ANGPTL6: variants seen among roughly 807,000 people sequenced by gnomAD.
The protein encoded by ANGPTL6 is angiopoietin like 6.
ANGPTL6 carries 45 observed loss-of-function variants against 47.4 expected under a neutral mutation model. That is an observed-to-expected ratio of 0.95 (90% confidence interval 0.75 to 1.22). The LOEUF is 1.22. Among genes scored for constraint, ANGPTL6 ranks in the 50% most tolerant of loss-of-function variants. ANGPTL6 has a pLI of 0.00. For synonymous variants in ANGPTL6, 290 were observed against 295.9 expected (o/e 0.98, Z 0.20); for missense variants, 698 against 669.4 (o/e 1.04, Z -0.47).
upstream of ANGPTL6, among the ~76,000 whole-genome samples, chr19:10,105,771 G>GAGGCCTGAGGCC (rs936168944): frequency 6.6e-6 from 1 of 152,192 alleles, no homozygotes; most frequent in African/African-American, 2.4e-5. Flanking sequence ...GAAGAAGCCA[G>GAGGCCTGAGGCC]AGGCCTGAGG....
intron 2 of ANGPTL6, 59 bp from the exon 3 acceptor site, chr19:10,094,997 T>C: frequency 6.8e-7 from 1 of 1,462,438 alleles, no homozygotes; most frequent in Non-Finnish European, 9.1e-7. Context: ...GGAGGCCTGG[T>C]CTCAGGGGCA....
At chr19:10,093,164 A>C (rs1338058759) in intron 5 of ANGPTL6, 185 bp downstream of exon 5, 3 of 779,532 alleles carry the variant, frequency 3.8e-6, no homozygotes, top group African/African-American at 3.5e-5. Context: ...CAGAGAAGGA[A>C]TCTGGACTCC....
chr19:10,096,292 C>T lies in ANGPTL6; in HGVS notation c.272G>A (p.Gly91Asp). The change falls in exon 2 of 6, where the codon GGC becomes GAC. Residue 91 changes from glycine (G) to aspartate (D), a missense_variant. Transcript: ENST00000253109. ...CTCCTTGCGCAGCGCGCGCACCTCGCCGGCCACGGCGCCGTCGGCCGCCGC... is the reference window on the plus strand; with the variant it reads ...CTCCTTGCGCAGCGCGCGCACCTCGTCGGCCACGGCGCCGTCGGCCGCCGC... Reference protein sequence around the residue: ...RLAAADGAVAGEVRALRKESR... With the variant: ...RLAAADGAVADEVRALRKESR... 2 of 1,225,378 alleles carry T rather than the reference C, an allele frequency of 1.6e-6. No homozygotes were observed. The highest frequency in any genetic ancestry group is 1.0e-6 in the Non-Finnish European group (1 of 985,412). The allele number at this position is 1,225,378 out of a possible 1,614,324, so 75.9% of individuals were successfully genotyped here. A position where few individuals can be genotyped will look rare whatever the true frequency, so the allele number is the denominator to read the frequency against.
chr19:10,099,080 A>G, intron 1 of ANGPTL6, among the ~76,000 whole-genome samples: 1 of 152,018 alleles, frequency 6.6e-6, no homozygotes, highest in Admixed American at 6.6e-5. Context: ...CTGAATTCCC[A>G]GCTCAAGACA....
chr19:10,092,662 T>G lies in ANGPTL6; in HGVS notation c.1340A>C (p.Tyr447Ser). The G allele has an allele frequency of 6.2e-7, 1 of 1,613,968 alleles. No homozygotes were observed. The highest frequency in any genetic ancestry group is 8.5e-7 in the Non-Finnish European group (1 of 1,179,902). ...HYRSRYQDGV[Y>S]WAEFRGGAYS... ...TGCCCCACCACGAAACTCAGCCCAG[T>G]AGACACCATCCTGGTAGCGGCTTCG... Residue 447 changes from tyrosine to serine, a missense_variant, in exon 6 of 6, where the codon TAC (tyrosine) becomes TCC (serine). Tyr to Ser is a moderately radical substitution (Grantham distance 144). Coordinates refer to ENST00000253109, the MANE Select transcript of ANGPTL6 (RefSeq NM_031917.3).
At chr19:10,097,932 G>A (rs372938930) in intron 1 of ANGPTL6, among the ~76,000 whole-genome samples, 1 of 151,494 alleles carries the variant, frequency 6.6e-6, no homozygotes, top group Non-Finnish European at 1.5e-5. Context: ...GTGTTAAGGC[G>A]GGAAGACTGC....
At position 10,093,663 on chromosome 19, in the gene ANGPTL6, C is replaced by T. The variant is rs181341264; in HGVS notation, c.951+30G>A. 5,399 of 1,613,442 alleles carry T rather than the reference C, an allele frequency of 3.3e-3. 20 individuals are homozygous for T. Among genetic ancestry groups the T allele is most frequent in the Non-Finnish European group, 3.1e-3 (3,636 of 1,179,410 alleles). ...CAGGAAGCCAGAACAGGCTCCCTCC[C>T]CTTCCCTGCCTCTGCCCACCTGTGC... On this transcript the variant is annotated intron_variant, in intron 4 of 5. Transcript: ENST00000253109.
intron 1 of ANGPTL6, among the ~76,000 whole-genome samples, chr19:10,100,051 G>A (rs376688296): frequency 6.6e-6 from 1 of 150,566 alleles, no homozygotes; most frequent in African/African-American, 2.4e-5. Flanking sequence ...GTAGAGACAG[G>A]GTGCCTGATC....
At chr19:10,099,699 C>T (rs768588679) in intron 1 of ANGPTL6, among the ~76,000 whole-genome samples, 12 of 151,764 alleles carry the variant, frequency 7.9e-5, no homozygotes, top group Non-Finnish European at 1.6e-4. Context: ...GCTGTTTTTG[C>T]AGCCTGGAAC....
chr19:10,096,261 G>C lies in ANGPTL6; in HGVS notation c.303C>G (p.Arg101=), dbSNP rs2088531912. 7.6e-6 allele frequency: 9 copies of C among 1,189,688 alleles called. No individual in the cohort carries two copies. Among genetic ancestry groups the C allele is most frequent in the African/African-American group, 1.6e-5 (1 of 62,254 alleles). The allele number at this position is 1,189,688 out of a possible 1,614,324, so 73.7% of individuals were successfully genotyped here. A position where few individuals can be genotyped will look rare whatever the true frequency, so the allele number is the denominator to read the frequency against. The part of the protein sequence containing the change: ...GEVRALRKES[R]GLSARLGQLR... The stretch of plus-strand genomic sequence containing the variant: ...ACTGGCCCAGGCGCGCGCTCAGGCC[G>C]CGGCTCTCCTTGCGCAGCGCGCGCA... The change falls in exon 2 of 6, where the codon CGC becomes CGG. Residue 101 remains arginine, a synonymous_variant. Coordinates refer to ENST00000253109, the MANE Select transcript of ANGPTL6 (RefSeq NM_031917.3).
Position 10,093,670 on chromosome 19 carries a change from TGCCTCTGCCC to T in ANGPTL6, c.951+13_951+22del, listed in dbSNP as rs778892842. On this transcript the variant is annotated intron_variant, in intron 4 of 5. Coordinates refer to ENST00000253109, the MANE Select transcript of ANGPTL6 (RefSeq NM_031917.3). ...CCAGAACAGGCTCCCTCCCCTTCCC[TGCCTCTGCCC>T]ACCTGTGCCCACCTTATAGTGCTGC... The T allele has an allele frequency of 2.5e-6, 4 of 1,613,562 alleles. No homozygotes were observed. The highest frequency in any genetic ancestry group is 3.3e-5 in the Admixed American group (2 of 60,018).
In ANGPTL6 at chr19:10,092,786, GGA is replaced by G. The variant is rs759925335; in HGVS notation, c.1223-9_1223-8del. On this transcript the variant is annotated splice_polypyrimidine_tract_variant and splice_region_variant and intron_variant, in intron 5 of 5. Coordinates refer to ENST00000253109, the MANE Select transcript of ANGPTL6 (RefSeq NM_031917.3). The stretch of plus-strand genomic sequence containing the variant: ...TGGTACAGGGCACAGTTACCTGAGG[GGA>G]GAGAGAGAGTCCATGTCCTCTCACC... 24 of 1,587,276 alleles carry G rather than the reference GGA, an allele frequency of 1.5e-5. No homozygotes were observed. Among genetic ancestry groups the G allele is most frequent in the South Asian group, 6.7e-5 (6 of 89,238 alleles).
intron 1 of ANGPTL6, among the ~76,000 whole-genome samples, chr19:10,098,728 G>A (rs1490879339): frequency 6.6e-6 from 1 of 151,882 alleles, no homozygotes; most frequent in Admixed American, 6.6e-5. Context: ...GGAGGCTGAG[G>A]CAGGAGAATC....
chr19:10,098,338 C>G (rs1251244706), intron 1 of ANGPTL6, among the ~76,000 whole-genome samples: 2 of 150,596 alleles, frequency 1.3e-5, no homozygotes, highest in Non-Finnish European at 3.0e-5. Context: ...GGGACGAGAG[C>G]AAACCCTGTC....
In ANGPTL6 at chr19:10,092,551, A is replaced by C. The variant is rs769301032; in HGVS notation, c.*38T>G. 6.4e-7 allele frequency: 1 copy of C among 1,562,876 alleles called. No individual in the cohort carries two copies. Among genetic ancestry groups the C allele is most frequent in the Non-Finnish European group, 8.7e-7 (1 of 1,150,308 alleles). On this transcript the variant is annotated 3_prime_UTR_variant, in exon 6 of 6. Transcript: ENST00000253109. The stretch of plus-strand genomic sequence containing the variant: ...AGAACAACTTGGGCTCCTGCTGACC[A>C]ATGTCCTCTAGGGCCTAGGGGACAG...
chr19:10,093,549 C>T lies in ANGPTL6; in HGVS notation c.1022G>A (p.Gly341Glu), dbSNP rs919887504. The T allele has an allele frequency of 6.2e-7, 1 of 1,613,952 alleles. No homozygotes were observed. The highest frequency in any genetic ancestry group is 8.5e-7 in the Non-Finnish European group (1 of 1,179,988). Residue 341 changes from glycine (G) to glutamate (E), a missense_variant, in exon 5 of 6, where the codon GGG becomes GAG. Coordinates refer to ENST00000253109, the MANE Select transcript of ANGPTL6 (RefSeq NM_031917.3). Reference protein sequence around the residue: ...LEPVYQLTSRGDHELLVLLED... With the variant: ...LEPVYQLTSREDHELLVLLED... ...CAGGAGAACCAGCAGCTCATGGTCC[C>T]CACGGCTGGTCAGCTGATACACGGG... is the stretch of plus-strand genomic sequence containing the variant.
intron 3 of ANGPTL6, among the ~76,000 whole-genome samples, chr19:10,094,325 T>G (rs2088474231): frequency 6.6e-6 from 1 of 152,076 alleles, no homozygotes; most frequent in Admixed American, 6.5e-5. Flanking sequence ...TTTTTGTATT[T>G]TTAGTAGAAA....
intron 1 of ANGPTL6, among the ~76,000 whole-genome samples, chr19:10,099,801 T>C (rs1032164155): frequency 6.7e-6 from 1 of 150,020 alleles, no homozygotes; most frequent in Non-Finnish European, 1.5e-5. Context: ...TACCTCCATA[T>C]ACAAGCTCTC....
Position 10,096,567 on chromosome 19 carries a change from G to A in ANGPTL6, c.-4C>T, listed in dbSNP as rs1300001949. On this transcript the variant is annotated 5_prime_UTR_variant, in exon 2 of 6. Transcript: ENST00000253109. The stretch of plus-strand genomic sequence containing the variant: ...CACGCAGCCAGGGCTTCCCCATCGC[G>A]GCGGACCTGCAGGCAGAGGAGGAAC... The A allele has an allele frequency of 4.6e-5, 69 of 1,505,528 alleles. No individual in the cohort carries two copies. The East Asian group carries it at 1.4e-3, about 30-fold the overall frequency. The allele number at this position is 1,505,528 out of a possible 1,614,324, so 93.3% of individuals were successfully genotyped here.
Sources: gnomAD v4.1 joint callset for allele counts (sites outside exome capture counted in the v4.1 genomes callset) on GRCh38, gnomAD v4.1.1 for gene constraint, MANE v1.5 for transcripts, NCBI Gene and HGNC (gene_info 2026-07-23, HGNC 2026-07-21) for gene names.